Variants in FBXL7 observed in about 807,000 individuals in gnomAD.
The protein encoded by FBXL7 is F-box/LRR-repeat protein 7.
FBXL7 carries 12 observed loss-of-function variants against 38.3 expected under a neutral mutation model. That is an observed-to-expected ratio of 0.31 (90% CI 0.20 to 0.51). The LOEUF is 0.51. Ranked by LOEUF, FBXL7 falls within the 20% of genes least tolerant of loss-of-function variation. The pLI is 0.98. For missense variants in FBXL7, 567 were observed against 676.4 expected, an observed-to-expected ratio of 0.84 and a Z score of 1.79; for synonymous variants, 297 against 300.9, an observed-to-expected ratio of 0.99 and a Z score of 0.13.
At chr5:15,510,625 C>G (rs1481845285) in intron 1 of FBXL7, among the ~76,000 whole-genome samples, 1 of 152,136 alleles carries the variant, frequency 6.6e-6, no homozygotes, top group Admixed American at 6.5e-5. Context: ...GGAATTAGAG[C>G]ATCAATTGCC....
intron 1 of FBXL7, among the ~76,000 whole-genome samples, chr5:15,572,296 A>G (rs1738813607): frequency 6.6e-6 from 1 of 151,980 alleles, no homozygotes; most frequent in African/African-American, 2.4e-5. Context: ...TGTAATTGCA[A>G]AGTCTTTTGG....
At chr5:15,574,829 G>C (rs1358770975) in intron 1 of FBXL7, among the ~76,000 whole-genome samples, 2 of 152,158 alleles carry the variant, frequency 1.3e-5, no homozygotes, top group Non-Finnish European at 2.9e-5. Context: ...TGGAATTATG[G>C]AAAGTAAGAA....
At chr5:15,706,136 G>A (rs1416918622) in intron 2 of FBXL7, among the ~76,000 whole-genome samples, 2 of 152,162 alleles carry the variant, frequency 1.3e-5, no homozygotes, top group African/African-American at 2.4e-5. Context: ...TTGTATATTT[G>A]TCTCTGTCTA....
Position 15,845,622 on chromosome 5 carries a change from T to C in FBXL7, c.128-82268T>C, listed in dbSNP as rs73062133. Among the ~76,000 whole-genome samples, 530 of 152,290 alleles carry C rather than the reference T, an allele frequency of 3.5e-3. 5 individuals are homozygous for C. Among genetic ancestry groups the C allele is most frequent in the African/African-American group, 0.011 (470 of 41,554 alleles). On this transcript the variant is annotated intron_variant, in intron 2 of 3. Coordinates refer to ENST00000504595, the MANE Select transcript of FBXL7 (RefSeq NM_012304.5). ...TAAAAGTAGATTAAACATTATATCATTACTTAACTTCTTTTTAATGATAAA... is the reference window on the plus strand; with the variant it reads ...TAAAAGTAGATTAAACATTATATCACTACTTAACTTCTTTTTAATGATAAA...
intron 2 of FBXL7, among the ~76,000 whole-genome samples, chr5:15,880,982 T>G (rs1740427762): frequency 1.3e-5 from 2 of 152,086 alleles, no homozygotes; most frequent in African/African-American, 4.8e-5. Flanking sequence ...GAAAGATTAA[T>G]GGACTTTCCC....
intron 2 of FBXL7, among the ~76,000 whole-genome samples, chr5:15,731,910 G>A (rs1735594436): frequency 6.6e-6 from 1 of 152,084 alleles, no homozygotes; most frequent in East Asian, 1.9e-4. Context: ...GTGCTGTGAG[G>A]TGCCAGAAAC....
rs1742201859 is a variant in FBXL7 at position 15,936,733 on chromosome 5, C to G, written c.1023C>G (p.Gly341=). The G allele has an allele frequency of 6.2e-7, 1 of 1,609,044 alleles. No individual in the cohort carries two copies. The highest frequency in any genetic ancestry group is 1.3e-5 in the African/African-American group (1 of 74,914). ...ACTGCCGCTTCGTCAGCGACTTCGG[C>G]CTGCGGGAGATCGCCAAGCTGGAGT... ...VSDCRFVSDF[G]LREIAKLESR... The change falls in exon 4 of 4, where the codon GGC becomes GGG. Residue 341 remains glycine, a synonymous_variant. Transcript: ENST00000504595. The surrounding 1 kb of genome is among the most constrained non-coding windows in gnomAD (Gnocchi z 6.0).
chr5:15,742,300 A>G (rs1735912700), intron 2 of FBXL7, among the ~76,000 whole-genome samples: 1 of 152,172 alleles, frequency 6.6e-6, no homozygotes, highest in Non-Finnish European at 1.5e-5. Flanking sequence ...AGTCTGGGGA[A>G]GGAGCAAACA....
chr5:15,651,841 T>C lies in FBXL7; in HGVS notation c.127+35769T>C, dbSNP rs73752480. On this transcript the variant is annotated intron_variant, in intron 2 of 3. Coordinates refer to ENST00000504595, the MANE Select transcript of FBXL7 (RefSeq NM_012304.5). ...TTGACTTCTCTCTAGCTGTGAAAGTTCTGGATGGCACCTTCTTGTAATAAA... is the reference window on the plus strand; with the variant it reads ...TTGACTTCTCTCTAGCTGTGAAAGTCCTGGATGGCACCTTCTTGTAATAAA... 8.7e-3 allele frequency among the ~76,000 whole-genome samples: 1,321 copies of C among 152,316 alleles called. 20 individuals are homozygous for C. The highest frequency in any genetic ancestry group is 0.03 in the African/African-American group (1,233 of 41,564).
intron 2 of FBXL7, among the ~76,000 whole-genome samples, chr5:15,836,382 C>T (rs1306380461): frequency 6.6e-6 from 1 of 151,886 alleles, no homozygotes; most frequent in Non-Finnish European, 1.5e-5. Flanking sequence ...GAGAGCTATA[C>T]AGAACAAAAA....
At chr5:15,774,176 C>T (rs756516433) in intron 2 of FBXL7, among the ~76,000 whole-genome samples, 24 of 151,868 alleles carry the variant, frequency 1.6e-4, no homozygotes, top group Admixed American at 2.6e-4. Context: ...CCAGAGGCTA[C>T]CTGTATTCCT....
intron 2 of FBXL7, among the ~76,000 whole-genome samples, chr5:15,627,967 A>G (rs1580418190): frequency 6.6e-6 from 1 of 152,306 alleles, no homozygotes; most frequent in South Asian, 2.1e-4. Flanking sequence ...GTGTCTTTGC[A>G]TTCTGTATAT....
intron 1 of FBXL7, among the ~76,000 whole-genome samples, chr5:15,523,828 C>G (rs1737174960): frequency 6.6e-6 from 1 of 152,198 alleles, no homozygotes; most frequent in African/African-American, 2.4e-5. Flanking sequence ...CGTGTCCACA[C>G]CCAGCTGCAG....
intron 1 of FBXL7, among the ~76,000 whole-genome samples, chr5:15,548,846 A>G (rs1737987330): frequency 1.3e-5 from 2 of 152,240 alleles, no homozygotes; most frequent in Admixed American, 6.5e-5. Context: ...ACATTTTTAC[A>G]TAAGATAACA....
At chr5:15,856,049 A>G (rs1739261319) in intron 2 of FBXL7, among the ~76,000 whole-genome samples, 1 of 152,228 alleles carries the variant, frequency 6.6e-6, no homozygotes, top group African/African-American at 2.4e-5. Context: ...TGATAAAGAC[A>G]TACCTGAGAC....
At chr5:15,847,388 A>C (rs1463572042) in intron 2 of FBXL7, among the ~76,000 whole-genome samples, 1 of 152,118 alleles carries the variant, frequency 6.6e-6, no homozygotes, top group African/African-American at 2.4e-5. Flanking sequence ...CTATCACAAG[A>C]ACAGCAGCAT....
At chr5:15,930,189 G>T (rs945075238) in intron 3 of FBXL7, among the ~76,000 whole-genome samples, 1 of 152,140 alleles carries the variant, frequency 6.6e-6, no homozygotes, top group Non-Finnish European at 1.5e-5. Context: ...GAAACCAGGA[G>T]GTTTTCTTAC....
chr5:15,892,453 A>G (rs1740941773), intron 2 of FBXL7, among the ~76,000 whole-genome samples: 1 of 152,198 alleles, frequency 6.6e-6, no homozygotes, highest in Non-Finnish European at 1.5e-5. Context: ...TACAACGGCA[A>G]TGGCTGCAGG....
chr5:15,896,774 C>A (rs762056155), intron 2 of FBXL7, among the ~76,000 whole-genome samples: 7 of 151,198 alleles, frequency 4.6e-5, no homozygotes, highest in African/African-American at 1.2e-4. Context: ...AAAAAAAAAA[C>A]CCAGATTTGC....
Sources: gnomAD v4.1 joint callset for allele counts (sites outside exome capture counted in the v4.1 genomes callset) on GRCh38, gnomAD v4.1.1 for gene constraint, Gnocchi (gnomAD v3.1) non-coding constraint, MANE v1.5 for transcripts, NCBI Gene and HGNC (gene_info 2026-07-23, HGNC 2026-07-21) for gene names.